Variants in CASP5 observed in about 807,000 individuals in gnomAD.
CASP5 encodes caspase-5.
Under a neutral mutation model 45.2 loss-of-function variants are expected in CASP5, and 42 were observed. That is an observed-to-expected ratio of 0.93 (90% CI 0.73 to 1.20). CASP5 has a LOEUF of 1.20. CASP5 is among the 50% of genes most tolerant of loss of function. CASP5 has a pLI of 0.00. For missense variants in CASP5, 512 were observed against 532.2 expected, an observed-to-expected ratio of 0.96 and a Z score of 0.37; for synonymous variants, 209 against 186.2, an observed-to-expected ratio of 1.12 and a Z score of -1.00.
chr11:105,015,615 CCTAT>C (rs781132898), intron 1 of CASP5, among the ~76,000 whole-genome samples: 1 of 152,114 alleles, frequency 6.6e-6, no homozygotes, highest in African/African-American at 2.4e-5. Flanking sequence ...TTCAATTTCT[CCTAT>C]CTATTATCTA....
Position 105,002,183 on chromosome 11 carries a change from TC to T in CASP5, c.561del (p.Arg188GlufsTer32). ...AGAGCCAGGCGTCTGCGGTCCTCTC[TC>T]TTTTTTATTGGATAGATCTGCAGGA... Reference protein sequence around the residue: ...KNHDEIYPIKKREDRRRLALI... With the variant: ...KNHDEIYPIKXREDRRRLALI... On this transcript the variant is annotated frameshift_variant, in exon 5 of 10. Coordinates refer to ENST00000260315, the MANE Select transcript of CASP5 (RefSeq NM_004347.5). LOFTEE classifies it high-confidence loss of function. 1 of 1,614,016 alleles carries T rather than the reference TC, an allele frequency of 6.2e-7. No homozygotes were observed. Among genetic ancestry groups the T allele is most frequent in the African/African-American group, 1.3e-5 (1 of 75,014 alleles).
At chr11:105,011,021 C>T (rs1862322666) in intron 1 of CASP5, among the ~76,000 whole-genome samples, 5 of 151,638 alleles carry the variant, frequency 3.3e-5, no homozygotes, top group Admixed American at 2.6e-4. Flanking sequence ...TAAGAGAACA[C>T]AGATAAGATG....
chr11:104,998,855 A>G (rs45504692), intron 7 of CASP5, 30 bp downstream of exon 7: 2 of 1,604,228 alleles, frequency 1.2e-6, no homozygotes, highest in Non-Finnish European at 1.7e-6. Flanking sequence ...AGCACCCCCA[A>G]ATTTTTGACT....
intron 7 of CASP5, among the ~76,000 whole-genome samples, chr11:104,998,534 T>C (rs532672365): frequency 6.6e-6 from 1 of 152,286 alleles, no homozygotes; most frequent in African/African-American, 2.4e-5. Context: ...CTGGGATCCA[T>C]AAAACTTCTA....
intron 2 of CASP5, among the ~76,000 whole-genome samples, chr11:105,008,299 A>G (rs181973516): frequency 4.7e-4 from 71 of 152,244 alleles, no homozygotes; most frequent in African/African-American, 1.7e-3. Context: ...TTGAAAATAC[A>G]TCTAGAGCTA....
chr11:105,016,644 C>G (rs1012584798), intron 1 of CASP5, among the ~76,000 whole-genome samples: 2 of 152,190 alleles, frequency 1.3e-5, no homozygotes, highest in Admixed American at 6.5e-5. Context: ...GCACCTGGCT[C>G]GGAGGGTCCT....
Position 105,017,969 on chromosome 11 carries a change from T to C in CASP5, c.7+5161A>G, listed in dbSNP as rs542099111. Among the ~76,000 whole-genome samples, 384 of 152,138 alleles carry C rather than the reference T, an allele frequency of 2.5e-3. 3 individuals carry two copies. Among genetic ancestry groups the C allele is most frequent in the African/African-American group, 8.7e-3 (359 of 41,482 alleles). On this transcript the variant is annotated intron_variant, in intron 1 of 9. Coordinates refer to ENST00000260315, the MANE Select transcript of CASP5 (RefSeq NM_004347.5). The stretch of plus-strand genomic sequence containing the variant: ...TAACAGCAGATCTCTCGGCAGAAAC[T>C]CTACAAGCCAGAAGAGAATGAGGGC...
chr11:105,019,894 G>A (rs929870022), intron 1 of CASP5, among the ~76,000 whole-genome samples: 1 of 145,748 alleles, frequency 6.9e-6, no homozygotes, highest in Non-Finnish European at 1.5e-5. Context: ...GAACATTGAT[G>A]CAAAAATCCT....
intron 1 of CASP5, among the ~76,000 whole-genome samples, chr11:105,009,771 G>GTATATATA (rs35870613): frequency 1.1e-5 from 1 of 88,482 alleles, no homozygotes; most frequent in African/African-American, 4.9e-5. Flanking sequence ...ACACACACAC[G>GTATATATA]TATATATATA....
At chr11:105,014,007 C>A (rs1252076722) in intron 1 of CASP5, among the ~76,000 whole-genome samples, 1 of 152,144 alleles carries the variant, frequency 6.6e-6, no homozygotes, top group Admixed American at 6.6e-5. Context: ...GGCCAACACC[C>A]TTTCTTTCTG....
chr11:105,009,786 T>TAC lies in CASP5; in HGVS notation c.8-808_8-807dup, dbSNP rs1555079462. Among the ~76,000 whole-genome samples the TAC allele has an allele frequency of 1.6e-3, 153 of 94,896 alleles. 3 individuals are homozygous for TAC. The highest frequency in any genetic ancestry group is 6.5e-3 in the South Asian group (22 of 3,372). The allele number at this position is 94,896 out of a possible 152,430, so 62.3% of individuals were successfully genotyped here. On this transcript the variant is annotated intron_variant, in intron 1 of 9. Coordinates refer to ENST00000260315, the MANE Select transcript of CASP5 (RefSeq NM_004347.5). Reference sequence around the variant, plus strand: ...ACACACACACGTATATATATATATATACACACGTATATATATATATACACA... The same window carrying TAC: ...ACACACACACGTATATATATATATATACACACACGTATATATATATATACACA...
At chr11:105,014,664 C>G (rs903543020) in intron 1 of CASP5, among the ~76,000 whole-genome samples, 2 of 152,024 alleles carry the variant, frequency 1.3e-5, no homozygotes, top group Non-Finnish European at 2.9e-5. Context: ...AAGTTTTAAG[C>G]AGAAGGAAGG....
At chr11:105,010,078 T>A (rs1030113996) in intron 1 of CASP5, among the ~76,000 whole-genome samples, 2 of 150,626 alleles carry the variant, frequency 1.3e-5, no homozygotes, top group Admixed American at 6.6e-5. Context: ...TATCTAAATA[T>A]AAGGATAGCT....
intron 1 of CASP5, among the ~76,000 whole-genome samples, chr11:105,009,766 CACACGTATATATATATATAT>C (rs1862203272): frequency 8.9e-5 from 7 of 78,680 alleles, no homozygotes; most frequent in Non-Finnish European, 1.9e-4. Flanking sequence ...TATACACACA[CACACGTATATATATATATAT>C]ACACACGTAT....
rs183520835 is a variant in CASP5, at chr11:105,022,582, A to T, written c.7+548T>A. 2.8e-3 allele frequency among the ~76,000 whole-genome samples: 431 copies of T among 152,284 alleles called. 9 individuals are homozygous for T. The highest frequency in any genetic ancestry group is 0.028 in the South Asian group (134 of 4,830). ...GTTAAGTTTTTGGGAGTGGGAAGAC[A>T]GTTAAAAGTCTATGATAGCAACCTA... On this transcript the variant is annotated intron_variant, in intron 1 of 9. Coordinates refer to ENST00000260315, the MANE Select transcript of CASP5 (RefSeq NM_004347.5).
At chr11:105,008,469 T>G (rs1196188987) in intron 2 of CASP5, among the ~76,000 whole-genome samples, 1 of 151,976 alleles carries the variant, frequency 6.6e-6, no homozygotes, top group Non-Finnish European at 1.5e-5. Flanking sequence ...GACTGATGAT[T>G]AGGGAGCAAG....
chr11:105,006,305 C>T (rs1861997431), intron 3 of CASP5, among the ~76,000 whole-genome samples: 1 of 152,134 alleles, frequency 6.6e-6, no homozygotes, highest in Non-Finnish European at 1.5e-5. Flanking sequence ...TAAGAAAGCA[C>T]TCTTTATTGC....
chr11:105,001,807 C>T (rs557082091), intron 5 of CASP5, among the ~76,000 whole-genome samples: 40 of 152,126 alleles, frequency 2.6e-4, no homozygotes, highest in African/African-American at 9.4e-4. Context: ...CATATTTTGT[C>T]TAGTTTTATG....
At chr11:105,015,809 ATGT>A (rs1159133009) in intron 1 of CASP5, among the ~76,000 whole-genome samples, 2 of 152,296 alleles carry the variant, frequency 1.3e-5, no homozygotes, top group East Asian at 3.9e-4. Flanking sequence ...TTTCAGTTAA[ATGT>A]TGTGAGGTGA....
Sources: allele counts gnomAD v4.1 joint callset (sites outside exome capture counted in the v4.1 genomes callset), GRCh38; gene constraint gnomAD v4.1.1; transcripts MANE v1.5; gene names NCBI Gene and HGNC (gene_info 2026-07-23, HGNC 2026-07-21).